The following NKTR variants were observed in gnomAD, a reference collection of about 807,000 sequenced individuals.
NKTR encodes NK-tumor recognition protein.
A neutral mutation model predicts 156.3 loss-of-function variants in NKTR; 67 were observed. That is an observed-to-expected ratio of 0.43 (90% CI 0.35 to 0.53). The LOEUF (loss-of-function observed/expected upper bound fraction) is 0.53, where lower values mean the gene tolerates loss of function less well. Ranked by LOEUF, NKTR falls within the 20% of genes least tolerant of loss-of-function variation. NKTR has a pLI of 0.01. For synonymous variants in NKTR, 640 were observed against 596.6 expected, an observed-to-expected ratio of 1.07 and a Z score of -1.06; for missense variants, 1,604 against 1,730.9, an observed-to-expected ratio of 0.93 and a Z score of 1.30.
exon 17 of NKTR, chr3:42,648,728 TAGTCTA>T (rs1463955560): frequency 7.2e-5 from 11 of 152,652 alleles, no homozygotes; most frequent in African/African-American, 2.2e-4. Context: ...AATATATACT[TAGTCTA>T]AGTCTGAGTC....
chr3:42,637,624 A>G lies in NKTR; in HGVS notation c.1920A>G (p.Thr640=). 1 of 1,610,664 alleles carries G rather than the reference A, an allele frequency of 6.2e-7. No individual in the cohort carries two copies. Among genetic ancestry groups the G allele is most frequent in the Non-Finnish European group, 8.5e-7 (1 of 1,179,090 alleles). Residue 640 remains threonine (T), a synonymous_variant, in exon 13 of 17, where the codon ACA becomes ACG. Transcript: ENST00000232978. ...GAATTCAGGAAATGAAAGCTAAAAC[A>G]ACCCATTTGCTACCCATCCAAAGCA... ...YERIQEMKAK[T]THLLPIQSTY...
Position 42,639,410 on chromosome 3 carries a change from G to A in NKTR, c.3706G>A (p.Ala1236Thr). The change falls in exon 13 of 17, where the codon GCA becomes ACA. Residue 1236 changes from alanine to threonine, a missense_variant. This residue lies in a region of NKTR where 1,255 missense variants were observed against 1,243.7 expected (regional missense o/e 1.01). Coordinates refer to ENST00000232978, the MANE Select transcript of NKTR (RefSeq NM_005385.4). ...WKPLQGVGNLAAPNAATSSAV... is the reference protein window; with the variant it reads ...WKPLQGVGNLTAPNAATSSAV... ...GCCCCTGCAAGGTGTGGGGAACCTGGCAGCACCTAATGCTGCCACATCCAG... is the reference window on the plus strand; with the variant it reads ...GCCCCTGCAAGGTGTGGGGAACCTGACAGCACCTAATGCTGCCACATCCAG... 1 of 1,614,104 alleles carries A rather than the reference G, an allele frequency of 6.2e-7. No homozygotes were observed. Among genetic ancestry groups the A allele is most frequent in the Non-Finnish European group, 8.5e-7 (1 of 1,179,984 alleles).
chr3:42,633,276 A>G (rs1310031910), intron 9 of NKTR: 4 of 833,812 alleles, frequency 4.8e-6, no homozygotes, highest in Non-Finnish European at 6.1e-6. Flanking sequence ...TCCTGTCCTC[A>G]AGCAATCCTC....
rs1189037531 is a variant in NKTR at position 42,637,282 on chromosome 3, G to T, written c.1578G>T (p.Gln526His). 6.2e-7 allele frequency: 1 copy of T among 1,613,978 alleles called. No individual in the cohort carries two copies. The highest frequency in any genetic ancestry group is 8.5e-7 in the Non-Finnish European group (1 of 1,179,986). The change falls in exon 13 of 17, where the codon CAG becomes CAT. Residue 526 changes from glutamine (Q) to histidine (H), a missense_variant. Gln to His is a conservative substitution (Grantham distance 24). Around this residue, in one of 6 missense-constraint regions of NKTR, gnomAD observed 1,255 missense variants for 1,243.7 expected, o/e 1.01. Coordinates refer to ENST00000232978, the MANE Select transcript of NKTR (RefSeq NM_005385.4). ...RDSYRSKSHS[Q>H]SYSRGSSRSR... is the part of the protein sequence containing the mutation. ...CATACAGATCAAAATCTCACTCACA[G>T]TCTTATTCTAGAGGAAGCTCAAGAT...
chr3:42,634,974 A>G (rs1709242436), intron 11 of NKTR: 2 of 455,084 alleles, frequency 4.4e-6, no homozygotes, highest in African/African-American at 4.0e-5. Context: ...TATGTGGATT[A>G]CAGGTGAATC....
chr3:42,636,993 G>T lies in NKTR; in HGVS notation c.1289G>T (p.Arg430Leu). ...TARHSGHHKK[R>L]RKEKKVKHKK... ...AGACACTCTGGCCACCATAAAAAACGCAGAAAAGAAAAAAAGGTTAAGCAT... is the reference window on the plus strand; with the variant it reads ...AGACACTCTGGCCACCATAAAAAACTCAGAAAAGAAAAAAAGGTTAAGCAT... The change falls in exon 13 of 17, where the codon CGC (arginine) becomes CTC (leucine). Residue 430 changes from arginine to leucine, a missense_variant. Physicochemically the swap from Arg to Leu is moderately radical, Grantham distance 102 (BLOSUM62 -2). This residue lies in a region of NKTR where 1,255 missense variants were observed against 1,243.7 expected (regional missense o/e 1.01). Transcript: ENST00000232978. 1 of 1,612,830 alleles carries T rather than the reference G, an allele frequency of 6.2e-7. No homozygotes were observed. The highest frequency in any genetic ancestry group is 8.5e-7 in the Non-Finnish European group (1 of 1,179,686).
intron 5 of NKTR, chr3:42,620,135 C>T (rs1237916784): frequency 1.4e-6 from 2 of 1,454,824 alleles, no homozygotes; most frequent in African/African-American, 2.9e-5. Flanking sequence ...CAGGTTGTGG[C>T]TGGATTTCTA....
rs1289037677 is a variant in NKTR, at chr3:42,607,913, C to G, written c.58+6849C>G. Among the ~76,000 whole-genome samples the G allele has an allele frequency of 3.6e-5, 5 of 137,876 alleles. No homozygotes were observed. The Admixed American group carries it at 3.7e-4, about 10-fold the overall frequency. The allele number at this position is 137,876 out of a possible 152,430, so 90.5% of individuals were successfully genotyped here. Reference sequence around the variant, plus strand: ...TCATATTCCACAAGTTAAGAGAAATCAGTTCCACAAGACTGCTCCCACTGC... The same window carrying G: ...TCATATTCCACAAGTTAAGAGAAATGAGTTCCACAAGACTGCTCCCACTGC... On this transcript the variant is annotated intron_variant, in intron 2 of 16. Transcript: ENST00000232978.
intron 6 of NKTR, chr3:42,627,318 A>G (rs1228925700): frequency 4.1e-6 from 4 of 985,322 alleles, no homozygotes; most frequent in Non-Finnish European, 4.8e-6. Context: ...TAAGAAAAAA[A>G]AAAACTTTCT....
intron 6 of NKTR, among the ~76,000 whole-genome samples, chr3:42,625,191 T>A (rs1708261448): frequency 6.6e-6 from 1 of 152,148 alleles, no homozygotes; most frequent in African/African-American, 2.4e-5. Context: ...AGTATTGGGC[T>A]CATCTTAAAT....
chr3:42,639,410 G>T lies in NKTR; in HGVS notation c.3706G>T (p.Ala1236Ser), dbSNP rs749693068. 6 of 1,614,104 alleles carry T rather than the reference G, an allele frequency of 3.7e-6. No individual in the cohort carries two copies. The highest frequency in any genetic ancestry group is 4.5e-5 in the East Asian group (2 of 44,886). ...GCCCCTGCAAGGTGTGGGGAACCTGGCAGCACCTAATGCTGCCACATCCAG... is the reference window on the plus strand; with the variant it reads ...GCCCCTGCAAGGTGTGGGGAACCTGTCAGCACCTAATGCTGCCACATCCAG... ...WKPLQGVGNL[A>S]APNAATSSAV... Residue 1236 changes from alanine (A) to serine (S), a missense_variant, in exon 13 of 17, where the codon GCA becomes TCA. Around this residue, in one of 6 missense-constraint regions of NKTR, gnomAD observed 1,255 missense variants for 1,243.7 expected, o/e 1.01. Coordinates refer to ENST00000232978, the MANE Select transcript of NKTR (RefSeq NM_005385.4).
rs1448588463 is a variant in NKTR at position 42,638,640 on chromosome 3, A to G, written c.2936A>G (p.His979Arg). The G allele has an allele frequency of 1.2e-6, 2 of 1,612,954 alleles. No homozygotes were observed. The highest frequency in any genetic ancestry group is 1.7e-6 in the Non-Finnish European group (2 of 1,179,780). Reference protein sequence around the residue: ...NNRGKPQKHKHGSKENLKREH... With the variant: ...NNRGKPQKHKRGSKENLKREH... ...AGGGGAAAGCCACAAAAGCACAAAC[A>G]TGGGTCAAAGGAAAATCTTAAAAGA... Residue 979 changes from histidine to arginine, a missense_variant, in exon 13 of 17, where the codon CAT (histidine) becomes CGT (arginine). Around this residue, in one of 6 missense-constraint regions of NKTR, gnomAD observed 1,255 missense variants for 1,243.7 expected, o/e 1.01. Coordinates refer to ENST00000232978, the MANE Select transcript of NKTR (RefSeq NM_005385.4).
Position 42,632,652 on chromosome 3 carries a change from C to G in NKTR, c.602C>G (p.Ser201Cys), listed in dbSNP as rs1709027085. 1 of 1,613,968 alleles carries G rather than the reference C, an allele frequency of 6.2e-7. No homozygotes were observed. Among genetic ancestry groups the G allele is most frequent in the Non-Finnish European group, 8.5e-7 (1 of 1,179,948 alleles). Reference protein sequence around the residue: ...KPTHSEGSDSSSNSSSSSESS... With the variant: ...KPTHSEGSDSCSNSSSSSESS... ...ACTCATTCAGAAGGCTCGGATTCCT[C>G]TTCCAATTCCTCCTCTTCTTCAGAA... Residue 201 changes from serine to cysteine, a missense_variant, in exon 9 of 17, where the codon TCT becomes TGT. Physicochemically the swap from Ser to Cys is moderately radical, Grantham distance 112 (BLOSUM62 -1). Transcript: ENST00000232978.
At chr3:42,627,873 A>G in intron 6 of NKTR, 1 of 985,364 alleles carries the variant, frequency 1.0e-6, no homozygotes, top group Non-Finnish European at 1.2e-6. Context: ...CGCTTTTAAG[A>G]TCAATGCAAT....
intron 6 of NKTR, among the ~76,000 whole-genome samples, chr3:42,625,632 C>A (rs1047469031): frequency 6.6e-6 from 1 of 151,976 alleles, no homozygotes; most frequent in Admixed American, 6.6e-5. Flanking sequence ...TTTTTCTACC[C>A]ACGTATTCAT....
At position 42,635,126 on chromosome 3, in the gene NKTR, G is replaced by C. The variant is rs547323720; in HGVS notation, c.1018-95G>C. ...TAACTTCAATCATTACCTTTGATGG[G>C]ATGATCTGAGATTGGGTCTTTTACT... On this transcript the variant is annotated intron_variant, in intron 11 of 16. Transcript: ENST00000232978. The C allele has an allele frequency of 1.0e-4, 90 of 858,906 alleles. No homozygotes were observed. In the African/African-American group the frequency reaches 1.5e-3, roughly 15 times the overall value. The allele number at this position is 858,906 out of a possible 1,614,324, so 53.2% of individuals were successfully genotyped here.
chr3:42,606,081 C>A (rs958031216), intron 2 of NKTR, among the ~76,000 whole-genome samples: 5 of 152,078 alleles, frequency 3.3e-5, no homozygotes, highest in Non-Finnish European at 7.3e-5. Flanking sequence ...GATTTGAAGG[C>A]CACTGTGCTA....
At chr3:42,632,856 AAAAC>A (rs777823972) in intron 9 of NKTR, 33 bp downstream of exon 9, 89 of 1,483,376 alleles carry the variant, frequency 6.0e-5, no homozygotes, top group Admixed American at 1.5e-4. Context: ...CTCTTACCTA[AAAAC>A]AAACACTCTG....
chr3:42,638,765 G>A lies in NKTR; in HGVS notation c.3061G>A (p.Glu1021Lys). The A allele has an allele frequency of 6.2e-7, 1 of 1,614,000 alleles. No homozygotes were observed. The highest frequency in any genetic ancestry group is 8.5e-7 in the Non-Finnish European group (1 of 1,180,026). Reference sequence around the variant, plus strand: ...AGCATTTCACTGGCAGCCTCCACTAGAATTTGGTGAAGAGGAGGAGGAGGA... The same window carrying A: ...AGCATTTCACTGGCAGCCTCCACTAAAATTTGGTGAAGAGGAGGAGGAGGA... ...KQAFHWQPPL[E>K]FGEEEEEEID... The change falls in exon 13 of 17, where the codon GAA becomes AAA. Residue 1021 changes from glutamate to lysine, a missense_variant. By Grantham distance (56) the Glu-to-Lys change is moderately conservative. This residue lies in a region of NKTR where 1,255 missense variants were observed against 1,243.7 expected (regional missense o/e 1.01). Coordinates refer to ENST00000232978, the MANE Select transcript of NKTR (RefSeq NM_005385.4).
Sources: allele counts gnomAD v4.1 joint callset (sites outside exome capture counted in the v4.1 genomes callset), GRCh38; gene constraint gnomAD v4.1.1; regional missense constraint gnomAD v4.1.1; transcripts MANE v1.5; gene names NCBI Gene and HGNC (gene_info 2026-07-23, HGNC 2026-07-21).